The following XRN1 variants were observed in gnomAD, a reference collection of about 807,000 sequenced individuals.
XRN1 encodes 5'-3' exoribonuclease 1.
In XRN1, 67 loss-of-function variants were observed where a neutral mutation model predicts 222.3. The ratio of observed to expected loss-of-function variants is 0.30; its 90% CI spans 0.25 to 0.37. The LOEUF (loss-of-function observed/expected upper bound fraction) is 0.37. XRN1 is among the 10% of genes least tolerant of loss of function. XRN1 has a pLI of 1.00. For missense variants in XRN1, 1,707 were observed against 2,000.2 expected (o/e 0.85, Z 2.80); for synonymous variants, 643 against 652.4 (o/e 0.99, Z 0.22).
chr3:142,317,085 C>A (rs1189520078), intron 39 of XRN1, among the ~76,000 whole-genome samples: 1 of 152,114 alleles, frequency 6.6e-6, no homozygotes, highest in Non-Finnish European at 1.5e-5. Flanking sequence ...CAGTACCATT[C>A]TAATTTTTGA....
chr3:142,426,928 A>C, intron 2 of XRN1, 87 bp from the exon 3 acceptor site: 1 of 941,416 alleles, frequency 1.1e-6, no homozygotes, highest in Non-Finnish European at 1.6e-6. Flanking sequence ...TGCCTTTATA[A>C]CTAAAATAGT....
At chr3:142,408,822 T>A (rs1270606465) in intron 15 of XRN1, among the ~76,000 whole-genome samples, 1 of 152,200 alleles carries the variant, frequency 6.6e-6, no homozygotes, top group Non-Finnish European at 1.5e-5. Context: ...TAGCAGTGTA[T>A]AAAAATTCCA....
intron 1 of XRN1, among the ~76,000 whole-genome samples, chr3:142,438,218 T>C (rs981707011): frequency 3.3e-5 from 5 of 152,100 alleles, no homozygotes; most frequent in African/African-American, 1.2e-4. Flanking sequence ...GGAAAACAGG[T>C]GCAGGACTGC....
intron 1 of XRN1, among the ~76,000 whole-genome samples, chr3:142,443,081 C>T (rs187062485): frequency 7.2e-5 from 11 of 152,282 alleles, no homozygotes; most frequent in Admixed American, 3.3e-4. Flanking sequence ...CTTCCAGAAT[C>T]GAAGCTGTAA....
In XRN1 at chr3:142,404,767, T is replaced by C. The variant is rs186866911; in HGVS notation, c.1883+140A>G. On this transcript the variant is annotated intron_variant, in intron 16 of 40. Transcript: ENST00000392981. ...TCCTCTGCAAGTTAGATGTAACTCA[T>C]TGATTATCAATTGACTATAACTGTC... is the stretch of plus-strand genomic sequence containing the variant. 511 of 745,550 alleles carry C rather than the reference T, an allele frequency of 6.9e-4. 6 individuals carry two copies. The South Asian group carries it at 7.6e-3, about 11-fold the overall frequency. 46.2% of individuals were successfully genotyped at this position (745,550 alleles called of 1,614,324 possible).
chr3:142,396,325 G>A (rs1333244058), intron 20 of XRN1, among the ~76,000 whole-genome samples: 1 of 151,920 alleles, frequency 6.6e-6, no homozygotes, highest in Non-Finnish European at 1.5e-5. Flanking sequence ...TGAGTGCCTA[G>A]GCACTAACCA....
intron 2 of XRN1, among the ~76,000 whole-genome samples, chr3:142,427,924 T>C (rs2069329771): frequency 6.6e-6 from 1 of 152,234 alleles, no homozygotes; most frequent in South Asian, 2.1e-4. Flanking sequence ...CAAACTCTTC[T>C]TCAAGTTTAA....
intron 18 of XRN1, 61 bp from the exon 19 acceptor site, chr3:142,400,608 G>T (rs2068090990): frequency 7.4e-7 from 1 of 1,358,816 alleles, no homozygotes; most frequent in Non-Finnish European, 1.0e-6. Context: ...ACTTTACACA[G>T]GCAAAATTTT....
intron 16 of XRN1, 149 bp downstream of exon 16, chr3:142,404,758 T>G: frequency 2.9e-6 from 2 of 701,516 alleles, no homozygotes; most frequent in Non-Finnish European, 2.4e-6. Flanking sequence ...GCAAGTTAGA[T>G]GTAACTCATT....
chr3:142,355,079 G>A (rs2066425410), intron 32 of XRN1, among the ~76,000 whole-genome samples: 1 of 150,646 alleles, frequency 6.6e-6, no homozygotes, highest in Non-Finnish European at 1.5e-5. Flanking sequence ...TACTACAGAT[G>A]GGGGAAGATA....
At chr3:142,444,335 C>A (rs531689179) in intron 1 of XRN1, among the ~76,000 whole-genome samples, 1 of 152,136 alleles carries the variant, frequency 6.6e-6, no homozygotes, top group Non-Finnish European at 1.5e-5. Context: ...AGGCCAGGCA[C>A]GGTGGCTCAT....
intron 20 of XRN1, among the ~76,000 whole-genome samples, chr3:142,391,357 G>A (rs970091551): frequency 1.3e-5 from 2 of 152,082 alleles, no homozygotes; most frequent in East Asian, 1.9e-4. Flanking sequence ...ATTCCCAAGT[G>A]GTTGGAAGAT....
At chr3:142,364,474 C>T (rs1454970955) in intron 29 of XRN1, among the ~76,000 whole-genome samples, 6 of 151,844 alleles carry the variant, frequency 4.0e-5, no homozygotes, top group African/African-American at 1.5e-4. Context: ...CACTTTTAAG[C>T]GTATGGTACA....
intron 39 of XRN1, among the ~76,000 whole-genome samples, chr3:142,317,616 GT>G: frequency 6.6e-6 from 1 of 152,076 alleles, no homozygotes; most frequent in African/African-American, 2.4e-5. Flanking sequence ...CACACCTCCA[GT>G]TTTTTGCTTG....
chr3:142,347,377 CT>C, intron 32 of XRN1, 35 bp from the exon 33 acceptor site: 1 of 1,318,626 alleles, frequency 7.6e-7, no homozygotes, highest in Non-Finnish European at 1.0e-6. Flanking sequence ...TAAACAAAAT[CT>C]TAATATTATA....
At chr3:142,434,529 T>TA (rs2069785320) in intron 1 of XRN1, among the ~76,000 whole-genome samples, 1 of 149,612 alleles carries the variant, frequency 6.7e-6, no homozygotes, top group African/African-American at 2.5e-5. Context: ...TTTTTTTTTT[T>TA]ACATTTTACA....
intron 20 of XRN1, among the ~76,000 whole-genome samples, chr3:142,392,424 C>A (rs1018949816): frequency 6.6e-6 from 1 of 152,112 alleles, no homozygotes; most frequent in Non-Finnish European, 1.5e-5. Flanking sequence ...GTGCGTTGCA[C>A]CCACTCGTCA....
chr3:142,374,548 GATTTAATAAAAAATCTTCATAAAAGTTTA>G (rs1357279810), intron 25 of XRN1, among the ~76,000 whole-genome samples: 1 of 152,108 alleles, frequency 6.6e-6, no homozygotes, highest in Non-Finnish European at 1.5e-5. Flanking sequence ...CTTTAATACA[GATTTAATAAAAAATCTTCATAAAAGTTTA>G]GTGAGAGGGG....
chr3:142,423,560 C>T lies in XRN1; in HGVS notation c.710G>A (p.Arg237Gln). ...EVRFGGKKTQ[R>Q]VCAPEETTFH... ...CCAACATATATGCTATATAATTTAC[C>T]GTTGTGTTTTTTTGCCACCAAATCG... Residue 237 changes from arginine to glutamine, a missense_variant and splice_region_variant, in exon 6 of 41, where the codon CGG becomes CAG. Physicochemically the swap from Arg to Gln is conservative, Grantham distance 43. This residue lies in a region of XRN1 where 1,234 missense variants were observed against 1,518.2 expected (regional missense o/e 0.81). Coordinates refer to ENST00000392981, the MANE Select transcript of XRN1 (RefSeq NM_001282857.2). The T allele has an allele frequency of 2.5e-6, 4 of 1,596,154 alleles. No individual in the cohort carries two copies. The highest frequency in any genetic ancestry group is 2.3e-5 in the East Asian group (1 of 44,088).
Sources: allele counts gnomAD v4.1 joint callset (sites outside exome capture counted in the v4.1 genomes callset), GRCh38; gene constraint gnomAD v4.1.1; regional missense constraint gnomAD v4.1.1; transcripts MANE v1.5; gene names NCBI Gene and HGNC (gene_info 2026-07-23, HGNC 2026-07-21).